The following PTH2R variants were observed in gnomAD, a reference collection of about 807,000 sequenced individuals.
PTH2R encodes the protein parathyroid hormone 2 receptor.
Under a neutral mutation model 60.3 loss-of-function variants are expected in PTH2R, and 59 were observed. The observed-to-expected ratio is 0.98, with a 90% CI of 0.79 to 1.22. The LOEUF (loss-of-function observed/expected upper bound fraction) is 1.22. PTH2R is among the 50% of genes most tolerant of loss of function. The probability of loss-of-function intolerance (pLI) is 0.00; values close to 1 mark genes in which losing one functional copy is unlikely to be tolerated. For missense variants in PTH2R, 749 were observed against 682.6 expected, an observed-to-expected ratio of 1.10 and a Z score of -1.08; for synonymous variants, 256 against 243.8, an observed-to-expected ratio of 1.05 and a Z score of -0.47.
At chr2:208,440,182 G>A (rs900476753) in intron 4 of PTH2R, among the ~76,000 whole-genome samples, 6 of 152,286 alleles carry the variant, frequency 3.9e-5, no homozygotes, top group Admixed American at 2.6e-4. Flanking sequence ...GCCTGTGTCT[G>A]TAGTTGCAGC....
upstream of PTH2R, chr2:208,359,695 C>T (rs1700400607): frequency 6.6e-6 from 1 of 152,572 alleles, no homozygotes; most frequent in Non-Finnish European, 1.5e-5. Flanking sequence ...GGGCAGGGCT[C>T]TCCGCTGCCA....
At chr2:208,450,598 AGTGGACTTTTCTT>A (rs1702383974) in intron 7 of PTH2R, 138 bp from the exon 8 acceptor site, 1 of 671,662 alleles carries the variant, frequency 1.5e-6, no homozygotes, top group Admixed American at 2.8e-5. Context: ...TTAAAAATTA[AGTGGACTTTTCTT>A]GTTCACATAT....
At chr2:208,438,148 C>CG (rs56653614) in intron 4 of PTH2R, among the ~76,000 whole-genome samples, 1 of 152,202 alleles carries the variant, frequency 6.6e-6, no homozygotes. Context: ...ACATTGTTTA[C>CG]TTGCATTATA....
intron 10 of PTH2R, among the ~76,000 whole-genome samples, chr2:208,483,467 C>T (rs1478622384): frequency 6.6e-6 from 1 of 152,186 alleles, no homozygotes; most frequent in African/African-American, 2.4e-5. Flanking sequence ...TGAACTAATA[C>T]TTTTAGTAAA....
At chr2:208,467,887 A>C (rs1271176309) in intron 9 of PTH2R, among the ~76,000 whole-genome samples, 1 of 152,198 alleles carries the variant, frequency 6.6e-6, no homozygotes, top group Non-Finnish European at 1.5e-5. Flanking sequence ...AAGTACATAC[A>C]AGTTTTCTAA....
chr2:208,452,190 A>G (rs910900385), intron 8 of PTH2R, among the ~76,000 whole-genome samples: 3 of 152,210 alleles, frequency 2.0e-5, no homozygotes, highest in Admixed American at 2.0e-4. Context: ...CTGGAACAGC[A>G]GATGTACAAC....
chr2:208,375,382 T>C (rs1039287035), intron 1 of PTH2R, among the ~76,000 whole-genome samples: 1 of 152,076 alleles, frequency 6.6e-6, no homozygotes, highest in Non-Finnish European at 1.5e-5. Flanking sequence ...AGAAGGACAA[T>C]GTAAAACTCT....
chr2:208,422,922 C>G (rs1701785839), intron 1 of PTH2R, among the ~76,000 whole-genome samples: 1 of 152,172 alleles, frequency 6.6e-6, no homozygotes, highest in Admixed American at 6.5e-5. Context: ...CACTCCTCAA[C>G]TCCTGGCAAC....
intron 7 of PTH2R, 86 bp downstream of exon 7, chr2:208,444,973 C>G: frequency 7.4e-7 from 1 of 1,358,320 alleles, no homozygotes; most frequent in Non-Finnish European, 1.0e-6. Context: ...ATCCCTACAG[C>G]CATTTTCCTG....
chr2:208,368,330 T>C (rs982502660), intron 1 of PTH2R, among the ~76,000 whole-genome samples: 3 of 152,178 alleles, frequency 2.0e-5, no homozygotes, highest in African/African-American at 7.2e-5. Context: ...CCACAGTACC[T>C]TTCTCATGTT....
chr2:208,481,034 A>G, intron 9 of PTH2R, 36 bp from the exon 10 acceptor site: 1 of 1,396,210 alleles, frequency 7.2e-7, no homozygotes, highest in Admixed American at 2.0e-5. Context: ...CTTGAAGACT[A>G]ACAATAATTC....
At chr2:208,415,751 A>G (rs1701628164) in intron 1 of PTH2R, among the ~76,000 whole-genome samples, 1 of 152,208 alleles carries the variant, frequency 6.6e-6, no homozygotes, top group Admixed American at 6.5e-5. Flanking sequence ...AGAAAAAATT[A>G]GAAAATTTAA....
intron 1 of PTH2R, among the ~76,000 whole-genome samples, chr2:208,365,226 G>A (rs1700554300): frequency 6.6e-6 from 1 of 152,168 alleles, no homozygotes; most frequent in Non-Finnish European, 1.5e-5. Flanking sequence ...GTCCAGAACA[G>A]ACATTTTTGC....
At chr2:208,420,867 A>G (rs1266184899) in intron 1 of PTH2R, among the ~76,000 whole-genome samples, 1 of 152,166 alleles carries the variant, frequency 6.6e-6, no homozygotes, top group East Asian at 1.9e-4. Context: ...GTTGCATGTG[A>G]TCACCACCAC....
chr2:208,489,791 T>C (rs762510619), intron 11 of PTH2R, among the ~76,000 whole-genome samples: 1 of 152,196 alleles, frequency 6.6e-6, no homozygotes, highest in Non-Finnish European at 1.5e-5. Context: ...CCTGTCTGCC[T>C]CTCACCCTGT....
intron 1 of PTH2R, among the ~76,000 whole-genome samples, chr2:208,389,210 C>A (rs1347527143): frequency 6.8e-6 from 1 of 146,788 alleles, no homozygotes; most frequent in African/African-American, 2.6e-5. Flanking sequence ...AATGATGATA[C>A]ATTAAAAGGA....
At chr2:208,410,074 CG>C (rs1701508739) in intron 1 of PTH2R, among the ~76,000 whole-genome samples, 1 of 151,864 alleles carries the variant, frequency 6.6e-6, no homozygotes. Flanking sequence ...TCCCATGCTG[CG>C]AAAAAATGGC....
chr2:208,389,385 T>C (rs1427968143), intron 1 of PTH2R, among the ~76,000 whole-genome samples: 1 of 152,228 alleles, frequency 6.6e-6, no homozygotes, highest in Non-Finnish European at 1.5e-5. Context: ...ACAATTGTTA[T>C]GCTTAATTAA....
intron 9 of PTH2R, among the ~76,000 whole-genome samples, chr2:208,471,877 C>T (rs1702890131): frequency 6.6e-6 from 1 of 152,256 alleles, no homozygotes; most frequent in Non-Finnish European, 1.5e-5. Flanking sequence ...GCCAAAAGGG[C>T]AGAGCTGCCC....
Sources: gnomAD v4.1 joint callset for allele counts (sites outside exome capture counted in the v4.1 genomes callset) on GRCh38, gnomAD v4.1.1 for gene constraint, MANE v1.5 for transcripts, NCBI Gene and HGNC (gene_info 2026-07-23, HGNC 2026-07-21) for gene names.